The following MYBPC2 variants were observed in gnomAD, a reference collection of about 807,000 sequenced individuals.
MYBPC2 encodes the protein myosin binding protein C2.
Under a neutral mutation model 137.0 loss-of-function variants are expected in MYBPC2, and 122 were observed. That is an observed-to-expected ratio of 0.89 (90% CI 0.77 to 1.03). The LOEUF (loss-of-function observed/expected upper bound fraction) is 1.03. Ranked by LOEUF, MYBPC2 falls within the 50% of genes least tolerant of loss-of-function variation. The pLI is 0.00. For missense variants in MYBPC2, 1,500 were observed against 1,534.4 expected (o/e 0.98, Z 0.37); for synonymous variants, 626 against 612.3 (o/e 1.02, Z -0.33).
In MYBPC2 at chr19:50,466,106, G is replaced by T; in HGVS notation, c.3416-89G>T. ...ATGGTGACCGTCATCCTGTCCCCCT[G>T]CTGGTCATGTGGATGCAGCTCCTCC... On this transcript the variant is annotated intron_variant, in intron 27 of 27. Transcript: ENST00000357701. This position sits in a 1 kb window ranked among gnomAD's most constrained non-coding sequence, Gnocchi z 4.9. 6.3e-7 allele frequency: 1 copy of T among 1,575,724 alleles called. No individual in the cohort carries two copies.
chr19:50,456,864 A>C (rs1231049223), intron 20 of MYBPC2, among the ~76,000 whole-genome samples: 2 of 152,028 alleles, frequency 1.3e-5, no homozygotes, highest in Non-Finnish European at 2.9e-5. Context: ...CTGTCCATCC[A>C]TCATCTGTAC....
At chr19:50,450,960 C>A in intron 14 of MYBPC2, 25 bp downstream of exon 14, 3 of 1,546,600 alleles carry the variant, frequency 1.9e-6, no homozygotes, top group African/African-American at 1.4e-5. Flanking sequence ...TCCTCCTTCC[C>A]TGGGGGCTGT....
At position 50,443,515 on chromosome 19, in the gene MYBPC2, T is replaced by C. The variant is rs745623822; in HGVS notation, c.924T>C (p.Gly308=). The C allele has an allele frequency of 6.2e-7, 1 of 1,613,286 alleles. No homozygotes were observed. Among genetic ancestry groups the C allele is most frequent in the Non-Finnish European group, 8.5e-7 (1 of 1,179,656 alleles). ...TCAGGTACGTGTTTGAGAACGTTGGTAAGAAGCGAATTCTTACCATCAACA... is the reference window on the plus strand; with the variant it reads ...TCAGGTACGTGTTTGAGAACGTTGGCAAGAAGCGAATTCTTACCATCAACA... ...PSSKYVFENV[G]KKRILTINKC... The change falls in exon 10 of 28, where the codon GGT becomes GGC. Residue 308 remains glycine (G), a synonymous_variant. Coordinates refer to ENST00000357701, the MANE Select transcript of MYBPC2 (RefSeq NM_004533.4).
At position 50,441,077 on chromosome 19, in the gene MYBPC2, G is replaced by A; in HGVS notation, c.769+1G>A. 1.3e-6 allele frequency: 2 copies of A among 1,582,458 alleles called. No individual in the cohort carries two copies. The highest frequency in any genetic ancestry group is 1.7e-6 in the Non-Finnish European group (2 of 1,164,864). On this transcript the variant is annotated splice_donor_variant, in intron 8 of 27. Coordinates refer to ENST00000357701, the MANE Select transcript of MYBPC2 (RefSeq NM_004533.4). LOFTEE classifies it high-confidence loss of function. ...AAGGTCGAGGTCAAGAAGAGTGCAG[G>A]TCAGCCCTGGTCTGGGGGGAGCTGG...
chr19:50,452,488 G>GTATCTATCTATC (rs772824530), intron 16 of MYBPC2, among the ~76,000 whole-genome samples: 8 of 93,544 alleles, frequency 8.6e-5, no homozygotes, highest in African/African-American at 3.5e-4. Flanking sequence ...ATGTATGTAT[G>GTATCTATCTATC]TATGTATGTA....
chr19:50,461,415 C>T (rs563798654), intron 24 of MYBPC2, 127 bp from the exon 25 acceptor site: 11 of 996,386 alleles, frequency 1.1e-5, no homozygotes, highest in South Asian at 4.8e-5. Flanking sequence ...GTGAGTAGTG[C>T]GCCATGAGTG....
At chr19:50,454,780 A>T (rs2039893382) in intron 18 of MYBPC2, among the ~76,000 whole-genome samples, 1 of 151,290 alleles carries the variant, frequency 6.6e-6, no homozygotes, top group Non-Finnish European at 1.5e-5. Context: ...CCTACCTCTG[A>T]CCCCTGATTT....
chr19:50,466,203 T>C lies in MYBPC2; in HGVS notation c.3424T>C (p.Ter1142ArgextTer?). Reference sequence around the variant, plus strand: ...TTCTCGTTTTCCTGCAGTGCCGCAGTGAGACCTGTCCCCTACCTGCCAAGA... The same window carrying C: ...TTCTCGTTTTCCTGCAGTGCCGCAGCGAGACCTGTCCCCTACCTGCCAAGA... ...ECKLEVRVPQ[*>R] The change falls in exon 28 of 28, where the codon TGA (stop) becomes CGA (arginine). Residue 1142 changes from the stop codon to arginine (R), a stop_lost. Transcript: ENST00000357701. This position sits in a 1 kb window ranked among gnomAD's most constrained non-coding sequence, Gnocchi z 4.9. 1.2e-6 allele frequency: 2 copies of C among 1,613,884 alleles called. No homozygotes were observed. Among genetic ancestry groups the C allele is most frequent in the Non-Finnish European group, 1.7e-6 (2 of 1,179,816 alleles).
chr19:50,463,043 C>G (rs1842158094), intron 26 of MYBPC2, among the ~76,000 whole-genome samples: 1 of 152,212 alleles, frequency 6.6e-6, no homozygotes, highest in Non-Finnish European at 1.5e-5. Flanking sequence ...TCCAACTGCT[C>G]TTTGTGAACA....
chr19:50,449,578 G>A (rs1291103564), intron 13 of MYBPC2, among the ~76,000 whole-genome samples: 3 of 152,262 alleles, frequency 2.0e-5, no homozygotes, highest in Non-Finnish European at 2.9e-5. Flanking sequence ...TGATGGGGAT[G>A]CTGCAAAGTC....
intron 20 of MYBPC2, among the ~76,000 whole-genome samples, chr19:50,456,362 A>T (rs1041559024): frequency 8.1e-6 from 1 of 123,916 alleles, no homozygotes; most frequent in Non-Finnish European, 1.6e-5. Flanking sequence ...CCATCCATCC[A>T]TCTGTCCATC....
intron 7 of MYBPC2, among the ~76,000 whole-genome samples, chr19:50,440,538 C>T (rs2039742619): frequency 1.3e-5 from 2 of 151,760 alleles, no homozygotes; most frequent in South Asian, 2.1e-4. Context: ...TGGCGTGAGC[C>T]TGTAGTCCCA....
chr19:50,435,842 A>T lies in MYBPC2; in HGVS notation c.176A>T (p.Asp59Val), dbSNP rs1294841621. Residue 59 changes from aspartate (D) to valine (V), a missense_variant, in exon 3 of 28, where the codon GAC becomes GTC. Transcript: ENST00000357701. The surrounding 1 kb of genome is among the most constrained non-coding windows in gnomAD (Gnocchi z 4.8). Reference sequence around the variant, plus strand: ...ACCGGCGTTTTCCTGAAGAAGCCGGACTCCGTCTCAGTGGAGACTGGTGAG... The same window carrying T: ...ACCGGCGTTTTCCTGAAGAAGCCGGTCTCCGTCTCAGTGGAGACTGGTGAG... ...EPTGVFLKKP[D>V]SVSVETGKDA... The T allele has an allele frequency of 6.2e-7, 1 of 1,601,312 alleles. No individual in the cohort carries two copies. The highest frequency in any genetic ancestry group is 1.7e-5 in the Admixed American group (1 of 58,538).
rs2039944568 is a variant in MYBPC2 at position 50,459,184 on chromosome 19, C to A, written c.2669C>A (p.Thr890Asn). 4 of 1,608,212 alleles carry A rather than the reference C, an allele frequency of 2.5e-6. No homozygotes were observed. The Admixed American group carries it at 6.7e-5, about 27-fold the overall frequency. The change falls in exon 23 of 28, where the codon ACC becomes AAC. Residue 890 changes from threonine (T) to asparagine (N), a missense_variant. Transcript: ENST00000357701. The part of the protein sequence containing the change: ...PLDTSRVHVR[T>N]SDFDTVFFVR... The stretch of plus-strand genomic sequence containing the variant: ...GACACCTCCCGCGTGCACGTGCGGA[C>A]CAGCGACTTCGACACCGTGTTCTTC...
At chr19:50,464,279 C>T in intron 26 of MYBPC2, 67 bp from the exon 27 acceptor site, 1 of 1,433,332 alleles carries the variant, frequency 7.0e-7, no homozygotes, top group Non-Finnish European at 9.4e-7. Context: ...GCTTCCTGAG[C>T]CCCATTTTGT....
In MYBPC2 at chr19:50,460,045, G is replaced by A. The variant is rs1167330216; in HGVS notation, c.2797G>A (p.Ala933Thr). The A allele has an allele frequency of 1.3e-6, 2 of 1,552,598 alleles. No homozygotes were observed. Among genetic ancestry groups the A allele is most frequent in the Admixed American group, 3.9e-5 (2 of 51,026 alleles). ...TCACACTTCCCCATTTCCAGAAAAG[G>A]CTGGGCCCCCCATAAACGTGATGGT... The part of the protein sequence containing the change: ...ATIRIRVVEK[A>T]GPPINVMVKE... The change falls in exon 24 of 28, where the codon GCT (alanine) becomes ACT (threonine). Residue 933 changes from alanine (A) to threonine (T), a missense_variant. Ala to Thr is a moderately conservative substitution (Grantham distance 58, BLOSUM62 0). Coordinates refer to ENST00000357701, the MANE Select transcript of MYBPC2 (RefSeq NM_004533.4).
chr19:50,451,098 C>T lies in MYBPC2; in HGVS notation c.1579+163C>T, dbSNP rs950144302. On this transcript the variant is annotated intron_variant, in intron 14 of 27. Coordinates refer to ENST00000357701, the MANE Select transcript of MYBPC2 (RefSeq NM_004533.4). ...CTGGAGTCAGAAGATGGAGGGAGAG[C>T]GCTGAACTCGCTGCCACCTGCCGCC... Among the ~76,000 whole-genome samples, 10 of 152,258 alleles carry T rather than the reference C, an allele frequency of 6.6e-5. No homozygotes were observed. The East Asian group carries it at 1.4e-3, about 21-fold the overall frequency.
chr19:50,461,143 A>T (rs753636902), intron 24 of MYBPC2, among the ~76,000 whole-genome samples: 3 of 151,818 alleles, frequency 2.0e-5, no homozygotes. Context: ...AGCTGGGACT[A>T]CAGGTGCTGG....
chr19:50,453,810 G>A (rs1484754956), intron 16 of MYBPC2, among the ~76,000 whole-genome samples: 1 of 152,168 alleles, frequency 6.6e-6, no homozygotes, highest in East Asian at 1.9e-4. Context: ...AAAGTGCTGG[G>A]ATTACAGGTG....
Sources: gnomAD v4.1 joint callset for allele counts (sites outside exome capture counted in the v4.1 genomes callset) on GRCh38, gnomAD v4.1.1 for gene constraint, Gnocchi (gnomAD v3.1) non-coding constraint, MANE v1.5 for transcripts, NCBI Gene and HGNC (gene_info 2026-07-23, HGNC 2026-07-21) for gene names.